Variants in ATG10 observed in about 807,000 individuals in gnomAD.
ATG10 encodes the protein ubiquitin-like-conjugating enzyme ATG10.
ATG10 carries 30 observed loss-of-function variants against 32.1 expected under a neutral mutation model. The observed-to-expected ratio is 0.94, with a 90% CI of 0.70 to 1.27. ATG10 has a LOEUF of 1.27. Among genes scored for constraint, ATG10 ranks in the 50% most tolerant of loss-of-function variants. ATG10 has a pLI of 0.00. For synonymous variants in ATG10, 87 were observed against 91.5 expected, an observed-to-expected ratio of 0.95 and a Z score of 0.28; for missense variants, 233 against 262.3, an observed-to-expected ratio of 0.89 and a Z score of 0.77.
intron 3 of ATG10, among the ~76,000 whole-genome samples, chr5:82,071,615 G>A (rs943831781): frequency 2.6e-5 from 4 of 152,120 alleles, no homozygotes; most frequent in African/African-American, 9.7e-5. Context: ...GGTCCTTGGG[G>A]ATGGCTGAGA....
intron 5 of ATG10, among the ~76,000 whole-genome samples, chr5:82,239,974 G>A (rs769124333): frequency 4.6e-5 from 7 of 152,016 alleles, no homozygotes; most frequent in South Asian, 2.1e-4. Context: ...ATGAAATATC[G>A]TCTCACTCCA....
chr5:82,207,590 T>C (rs961250599), intron 5 of ATG10, among the ~76,000 whole-genome samples: 2 of 152,222 alleles, frequency 1.3e-5, no homozygotes, highest in Non-Finnish European at 2.9e-5. Flanking sequence ...TGACTTTTCA[T>C]TTCCTTTGTA....
chr5:82,071,924 T>A (rs1411115113), intron 3 of ATG10, among the ~76,000 whole-genome samples: 7 of 152,052 alleles, frequency 4.6e-5, no homozygotes, highest in Non-Finnish European at 1.0e-4. Context: ...TCAGAATCCA[T>A]TAAGGAAAGC....
At chr5:82,208,343 C>T (rs532140796) in intron 5 of ATG10, among the ~76,000 whole-genome samples, 32 of 151,752 alleles carry the variant, frequency 2.1e-4, no homozygotes, top group East Asian at 5.8e-4. Flanking sequence ...AAAATAATAC[C>T]GGGACTTTGG....
At chr5:82,232,781 AC>A (rs556925408) in intron 5 of ATG10, among the ~76,000 whole-genome samples, 123 of 151,992 alleles carry the variant, frequency 8.1e-4, no homozygotes, top group African/African-American at 2.6e-3. Context: ...TAAGTGAATA[AC>A]AGATTCTGTC....
chr5:82,046,505 C>T (rs1347737374), intron 2 of ATG10, among the ~76,000 whole-genome samples: 1 of 152,228 alleles, frequency 6.6e-6, no homozygotes, highest in South Asian at 2.1e-4. Flanking sequence ...GCTCTGCCAA[C>T]TCCTTGATTT....
At chr5:81,981,089 C>A (rs898428085) in intron 1 of ATG10, among the ~76,000 whole-genome samples, 10 of 152,152 alleles carry the variant, frequency 6.6e-5, no homozygotes, top group Admixed American at 5.2e-4. Context: ...AGGACTGATA[C>A]GACTTCTCTT....
intron 5 of ATG10, among the ~76,000 whole-genome samples, chr5:82,225,519 G>A (rs1345332171): frequency 6.6e-6 from 1 of 152,214 alleles, no homozygotes; most frequent in African/African-American, 2.4e-5. Context: ...CAGATTCCAA[G>A]TCCATCTAGC....
At chr5:82,146,920 C>T (rs1032103985) in intron 3 of ATG10, among the ~76,000 whole-genome samples, 7 of 152,140 alleles carry the variant, frequency 4.6e-5, no homozygotes, top group Non-Finnish European at 1.0e-4. Context: ...ATATCAACAT[C>T]TACATATAAA....
At chr5:82,118,279 C>G (rs922545197) in intron 3 of ATG10, among the ~76,000 whole-genome samples, 22 of 147,892 alleles carry the variant, frequency 1.5e-4, no homozygotes, top group African/African-American at 5.5e-4. Context: ...CTGAACCCCA[C>G]AAGAGCAGAG....
At position 82,253,401 on chromosome 5, in the gene ATG10, T is replaced by G; in HGVS notation, c.639T>G (p.Ser213=). Residue 213 remains serine, a synonymous_variant, in exon 7 of 8, where the codon TCT becomes TCG. Transcript: ENST00000282185. ...CTCTGAGTTATGCCAAAGCAACGTC[T>G]CAGGATGAACGAAATGTCCCTTAAC... ...NLPLSYAKAT[S]QDERNVP 1 of 1,603,432 alleles carries G rather than the reference T, an allele frequency of 6.2e-7. No individual in the cohort carries two copies. The highest frequency in any genetic ancestry group is 2.2e-5 in the East Asian group (1 of 44,778).
intron 3 of ATG10, among the ~76,000 whole-genome samples, chr5:82,146,037 C>A (rs1307364095): frequency 6.6e-6 from 1 of 152,068 alleles, no homozygotes; most frequent in Non-Finnish European, 1.5e-5. Context: ...TTTACTGTTT[C>A]CAGTCTTCTT....
chr5:82,150,317 T>C (rs1282666143), intron 3 of ATG10, among the ~76,000 whole-genome samples: 1 of 147,608 alleles, frequency 6.8e-6, no homozygotes, highest in Non-Finnish European at 1.5e-5. Flanking sequence ...ATCAAGTCAC[T>C]ACGTATAATT....
At chr5:82,155,109 G>C (rs1767754056) in intron 3 of ATG10, among the ~76,000 whole-genome samples, 1 of 152,160 alleles carries the variant, frequency 6.6e-6, no homozygotes, top group African/African-American at 2.4e-5. Context: ...ATGTGCTGAA[G>C]GAACTTGCAG....
rs535458351 is a variant in ATG10, at chr5:82,014,604, G to C, written c.108+26926G>C. On this transcript the variant is annotated intron_variant, in intron 2 of 7. Coordinates refer to ENST00000282185, the MANE Select transcript of ATG10 (RefSeq NM_031482.5). ...TGTAATGTCCTTCTTTGTCTCTTTT[G>C]ATCTTTGTTGGTTTAAAGTCTGTTT... 2.4e-4 allele frequency among the ~76,000 whole-genome samples: 36 copies of C among 152,154 alleles called. No homozygotes were observed. In the East Asian group the frequency reaches 6.8e-3, roughly 29 times the overall value.
At chr5:82,210,091 C>T (rs957319875) in intron 5 of ATG10, among the ~76,000 whole-genome samples, 4 of 152,174 alleles carry the variant, frequency 2.6e-5, no homozygotes, top group African/African-American at 9.7e-5. Context: ...AGTTTGAAGT[C>T]CATGTCTGTT....
chr5:82,231,301 G>A (rs1470939445), intron 5 of ATG10, among the ~76,000 whole-genome samples: 1 of 152,158 alleles, frequency 6.6e-6, no homozygotes, highest in Admixed American at 6.5e-5. Flanking sequence ...ATCAGGAAGT[G>A]GGATTAGACT....
intron 2 of ATG10, among the ~76,000 whole-genome samples, chr5:82,045,245 C>T (rs1293275102): frequency 6.6e-6 from 1 of 152,104 alleles, no homozygotes; most frequent in Non-Finnish European, 1.5e-5. Flanking sequence ...GCCAAAGAAA[C>T]ACTTAATACA....
intron 3 of ATG10, among the ~76,000 whole-genome samples, chr5:82,094,683 ATTAG>A (rs961529898): frequency 3.3e-5 from 5 of 152,200 alleles, no homozygotes; most frequent in Admixed American, 2.6e-4. Context: ...AATGTCAATT[ATTAG>A]TTAATTTTTG....
Sources: gnomAD v4.1 joint callset for allele counts (sites outside exome capture counted in the v4.1 genomes callset) on GRCh38, gnomAD v4.1.1 for gene constraint, MANE v1.5 for transcripts, NCBI Gene and HGNC (gene_info 2026-07-23, HGNC 2026-07-21) for gene names.